The following PLCB1 variants were observed in gnomAD, a reference collection of about 807,000 sequenced individuals.
PLCB1 encodes the protein phospholipase C beta 1.
PLCB1 carries 46 observed loss-of-function variants against 161.8 expected under a neutral mutation model. The ratio of observed to expected loss-of-function variants is 0.28; its 90% confidence interval spans 0.22 to 0.36. The LOEUF (loss-of-function observed/expected upper bound fraction) is 0.36, where lower values mean the gene tolerates loss of function less well. PLCB1 is among the 10% of genes least tolerant of loss of function. The probability of loss-of-function intolerance (pLI) is 1.00; values close to 1 mark genes in which losing one functional copy is unlikely to be tolerated. For missense variants in PLCB1, 1,016 were observed against 1,472.5 expected (o/e 0.69, Z 5.07); for synonymous variants, 517 against 503.7 (o/e 1.03, Z -0.35).
chr20:8,285,766 C>T (rs1983089593), intron 2 of PLCB1, among the ~76,000 whole-genome samples: 1 of 152,182 alleles, frequency 6.6e-6, no homozygotes, highest in Non-Finnish European at 1.5e-5. Context: ...ATGGCCTTCA[C>T]ACCTGTACCC....
At chr20:8,717,538 G>C (rs1979388779) in intron 13 of PLCB1, 133 bp from the exon 14 acceptor site, 1 of 611,114 alleles carries the variant, frequency 1.6e-6, no homozygotes, top group Non-Finnish European at 2.8e-6. Flanking sequence ...GATACACTAA[G>C]AGTTTAATGA....
rs1214127883 is a variant in PLCB1, at chr20:8,884,123, G to A, written c.*2274G>A. The A allele has an allele frequency of 6.6e-6, 1 of 152,360 alleles. No individual in the cohort carries two copies. Among genetic ancestry groups the A allele is most frequent in the Non-Finnish European group, 1.5e-5 (1 of 68,004 alleles). The allele number at this position is 152,360 out of a possible 1,614,324, so 9.4% of individuals were successfully genotyped here. A position where few individuals can be genotyped will look rare whatever the true frequency, so the allele number is the denominator to read the frequency against. On this transcript the variant is annotated 3_prime_UTR_variant, in exon 32 of 32. Coordinates refer to ENST00000338037, the MANE Select transcript of PLCB1 (RefSeq NM_015192.4). ...AATTTAGTCATTTTACAATATGTTT[G>A]TATTTGGCCATTTACTGTAATCACA...
At chr20:8,454,975 G>A (rs1470406991) in intron 3 of PLCB1, among the ~76,000 whole-genome samples, 1 of 150,300 alleles carries the variant, frequency 6.7e-6, no homozygotes. Flanking sequence ...TGAATATAAG[G>A]ATGGATGAAT....
chr20:8,720,682 T>C (rs374846645), intron 14 of PLCB1, among the ~76,000 whole-genome samples: 1 of 152,124 alleles, frequency 6.6e-6, no homozygotes, highest in South Asian at 2.1e-4. Context: ...AGGTTTCTGC[T>C]TTTTACAGTA....
Position 8,717,810 on chromosome 20 carries a change from A to G in PLCB1, c.1475A>G (p.Asp492Gly). 1 of 1,613,136 alleles carries G rather than the reference A, an allele frequency of 6.2e-7. No individual in the cohort carries two copies. Among genetic ancestry groups the G allele is most frequent in the Non-Finnish European group, 8.5e-7 (1 of 1,179,664 alleles). ...GAACAAGCCTCCAACACCTACAGTG[A>G]CTCCTCCAGCATGTTCGAGCCCTCA... ...LSEQASNTYS[D>G]SSSMFEPSSP... The change falls in exon 14 of 32, where the codon GAC becomes GGC. Residue 492 changes from aspartate to glycine, a missense_variant. By Grantham distance (94) the Asp-to-Gly change is moderately conservative. Transcript: ENST00000338037.
intron 23 of PLCB1, among the ~76,000 whole-genome samples, chr20:8,750,505 A>G (rs1242264318): frequency 6.6e-6 from 1 of 152,206 alleles, no homozygotes; most frequent in Admixed American, 6.5e-5. Flanking sequence ...CTTTCACTTG[A>G]TCACATATAA....
intron 3 of PLCB1, 59 bp from the exon 4 acceptor site, chr20:8,628,235 A>G (rs1356246896): frequency 3.2e-6 from 4 of 1,268,780 alleles, no homozygotes; most frequent in Middle Eastern, 1.9e-4. Context: ...AGTTGAAGTT[A>G]TGCTATCACG....
intron 3 of PLCB1, among the ~76,000 whole-genome samples, chr20:8,587,711 G>A (rs1676495784): frequency 6.6e-6 from 1 of 152,156 alleles, no homozygotes; most frequent in African/African-American, 2.4e-5. Flanking sequence ...TCAGGTTAAT[G>A]CAGTACTAAT....
chr20:8,532,820 G>T (rs1310854536), intron 3 of PLCB1, among the ~76,000 whole-genome samples: 1 of 151,844 alleles, frequency 6.6e-6, no homozygotes, highest in Non-Finnish European at 1.5e-5. Context: ...AAGGATGAAT[G>T]GAAGGAGGAA....
At chr20:8,775,583 A>G (rs1332605492) in intron 27 of PLCB1, among the ~76,000 whole-genome samples, 1 of 152,204 alleles carries the variant, frequency 6.6e-6, no homozygotes, top group Non-Finnish European at 1.5e-5. Context: ...CCATCACTGT[A>G]TAATAGGTGA....
chr20:8,731,389 A>G (rs1227141926), intron 18 of PLCB1, among the ~76,000 whole-genome samples: 1 of 151,556 alleles, frequency 6.6e-6, no homozygotes, highest in African/African-American at 2.4e-5. Flanking sequence ...AACTATAGTC[A>G]CCTCCTTGTC....
At chr20:8,638,988 C>CTTTTCTTT (rs76550950) in intron 4 of PLCB1, among the ~76,000 whole-genome samples, 1,914 of 151,546 alleles carry the variant, frequency 0.013, 37 homozygotes, top group African/African-American at 0.043. Context: ...TTCTTTTTTT[C>CTTTTCTTT]TCATGTAGCC....
intron 2 of PLCB1, among the ~76,000 whole-genome samples, chr20:8,177,389 A>G (rs985304427): frequency 3.9e-5 from 6 of 152,198 alleles, no homozygotes; most frequent in Admixed American, 1.3e-4. Flanking sequence ...ATTTCTGTTG[A>G]TAAATTACCC....
chr20:8,357,453 C>G (rs943119975), intron 2 of PLCB1, among the ~76,000 whole-genome samples: 4 of 152,158 alleles, frequency 2.6e-5, no homozygotes, highest in African/African-American at 9.7e-5. Flanking sequence ...ATATGACTAT[C>G]TTGCCCTTGG....
chr20:8,877,184 C>G (rs1987810961), intron 31 of PLCB1, among the ~76,000 whole-genome samples: 2 of 152,102 alleles, frequency 1.3e-5, no homozygotes, highest in South Asian at 4.1e-4. Flanking sequence ...TGATGCTGAA[C>G]CTCAGAACAG....
At chr20:8,688,478 G>T (rs1239111733) in intron 10 of PLCB1, among the ~76,000 whole-genome samples, 1 of 152,084 alleles carries the variant, frequency 6.6e-6, no homozygotes, top group Non-Finnish European at 1.5e-5. Context: ...ATAGTTTCAG[G>T]TCTTAGATTT....
At chr20:8,414,731 G>C (rs1177417822) in intron 3 of PLCB1, among the ~76,000 whole-genome samples, 1 of 152,004 alleles carries the variant, frequency 6.6e-6, no homozygotes, top group Non-Finnish European at 1.5e-5. Context: ...ATGTAGCTGT[G>C]GAGCATTGGA....
intron 3 of PLCB1, among the ~76,000 whole-genome samples, chr20:8,627,759 C>T (rs1270910225): frequency 6.6e-6 from 1 of 152,220 alleles, no homozygotes; most frequent in Admixed American, 6.5e-5. Flanking sequence ...GAGGACAGAA[C>T]TGAAATCAAC....
chr20:8,499,176 G>C (rs1983301479), intron 3 of PLCB1, among the ~76,000 whole-genome samples: 2 of 152,220 alleles, frequency 1.3e-5, no homozygotes, highest in Non-Finnish European at 2.9e-5. Context: ...ATTTGATGAT[G>C]ACTTCTCAAG....
Sources: allele counts gnomAD v4.1 joint callset (sites outside exome capture counted in the v4.1 genomes callset), GRCh38; gene constraint gnomAD v4.1.1; transcripts MANE v1.5; gene names NCBI Gene and HGNC (gene_info 2026-07-23, HGNC 2026-07-21).